The following ASB13 variants were observed in gnomAD, a reference collection of about 807,000 sequenced individuals.
ASB13 encodes ankyrin repeat and SOCS box containing 13.
In ASB13, 33 loss-of-function variants were observed where a neutral mutation model predicts 28.8. The observed-to-expected ratio is 1.15, with a 90% CI of 0.87 to 1.53. The LOEUF (loss-of-function observed/expected upper bound fraction) is 1.53, where lower values mean the gene tolerates loss of function less well. Ranked by LOEUF, ASB13 falls within the 40% of genes most tolerant of loss-of-function variation. The pLI, the probability that ASB13 is intolerant of heterozygous loss-of-function variation, is 0.00. For missense variants in ASB13, 414 were observed against 390.1 expected, an observed-to-expected ratio of 1.06 and a Z score of -0.52; for synonymous variants, 182 against 172.9, an observed-to-expected ratio of 1.05 and a Z score of -0.41.
Position 5,639,254 on chromosome 10 carries a change from C to A in ASB13, c.*1449G>T, listed in dbSNP as rs1421900576. 1 of 152,692 alleles carries A rather than the reference C, an allele frequency of 6.5e-6. No individual in the cohort carries two copies. Among genetic ancestry groups the A allele is most frequent in the Admixed American group, 6.5e-5 (1 of 15,276 alleles). 9.5% of individuals were successfully genotyped at this position (152,692 alleles called of 1,614,324 possible). ...ACAGCACAAAGGGCATCGCCTTGGG[C>A]AGCTCAGGCTCACTCTGTTCCACAC... is the stretch of plus-strand genomic sequence containing the variant. On this transcript the variant is annotated 3_prime_UTR_variant, in exon 6 of 6. Coordinates refer to ENST00000357700, the MANE Select transcript of ASB13 (RefSeq NM_024701.4).
rs1835264129 is a variant in ASB13, at chr10:5,666,531, G to C, written c.21C>G (p.Asp7Glu). The change falls in exon 1 of 6, where the codon GAC becomes GAG. Residue 7 changes from aspartate to glutamate, a missense_variant. Physicochemically the swap from Asp to Glu is conservative, Grantham distance 45 (BLOSUM62 2). Transcript: ENST00000357700. ...TACCCACGTCGCCCAGGAAGCAGCC[G>C]TCCGCCGCCCGGGGCTCCATGCGGC... MEPRAA[D>E]GCFLGDVGFW... is the part of the protein sequence containing the mutation. 8.7e-6 allele frequency: 11 copies of C among 1,262,090 alleles called. No individual in the cohort carries two copies. Among genetic ancestry groups the C allele is most frequent in the Admixed American group, 3.4e-5 (1 of 29,222 alleles). 78.2% of individuals were successfully genotyped at this position (1,262,090 alleles called of 1,614,324 possible).
rs1039712682 is a variant in ASB13, at chr10:5,656,343, G to T, written c.44-3293C>A. Among the ~76,000 whole-genome samples the T allele has an allele frequency of 3.3e-5, 5 of 152,188 alleles. No individual in the cohort carries two copies. Among genetic ancestry groups the T allele is most frequent in the East Asian group, 1.9e-4 (1 of 5,198 alleles). ...TCACGAGGTCAGGAGTTTGAGACCA[G>T]CCTGGCCAACATGGTGAAACCCCAT... On this transcript the variant is annotated intron_variant, in intron 1 of 5. Transcript: ENST00000357700. The surrounding 1 kb of genome is among the most constrained non-coding windows in gnomAD (Gnocchi z 4.3).
rs1160200755 is a variant in ASB13, at chr10:5,642,116, T to C, written c.518-155A>G. Among the ~76,000 whole-genome samples the C allele has an allele frequency of 6.6e-6, 1 of 152,106 alleles. No homozygotes were observed. The highest frequency in any genetic ancestry group is 1.5e-5 in the Non-Finnish European group (1 of 68,030). ...ACTCTACCGTAGCTTTCAAAAATGT[T>C]TTTCAACATCCAAAAGCAGGAACTA... On this transcript the variant is annotated intron_variant, in intron 4 of 5. Transcript: ENST00000357700. The surrounding 1 kb of genome is among the most constrained non-coding windows in gnomAD (Gnocchi z 4.1).
In ASB13 at chr10:5,664,264, G is replaced by A. The variant is rs1835220349; in HGVS notation, c.43+2245C>T. Among the ~76,000 whole-genome samples, 1 of 146,702 alleles carries A rather than the reference G, an allele frequency of 6.8e-6. No individual in the cohort carries two copies. The stretch of plus-strand genomic sequence containing the variant: ...CGGCTTCCCAGAGCAGCAGCAGGCA[G>A]AGCTGGAAGACCCAAGGCTGCAGGG... On this transcript the variant is annotated intron_variant, in intron 1 of 5. Coordinates refer to ENST00000357700, the MANE Select transcript of ASB13 (RefSeq NM_024701.4). This position sits in a 1 kb window ranked among gnomAD's most constrained non-coding sequence, Gnocchi z 4.2.
chr10:5,657,417 TAAA>T (rs148936432), intron 1 of ASB13, among the ~76,000 whole-genome samples: 1 of 143,316 alleles, frequency 7.0e-6, no homozygotes, highest in Non-Finnish European at 1.5e-5. Context: ...GCCACAAACA[TAAA>T]AAAAAAAGGT....
Position 5,660,323 on chromosome 10 carries a change from T to C in ASB13, c.43+6186A>G, listed in dbSNP as rs74113502. Among the ~76,000 whole-genome samples, 1,577 of 152,292 alleles carry C rather than the reference T, an allele frequency of 0.01. 26 individuals are homozygous for C. Among genetic ancestry groups the C allele is most frequent in the African/African-American group, 0.036 (1,503 of 41,554 alleles). On this transcript the variant is annotated intron_variant, in intron 1 of 5. Transcript: ENST00000357700. The surrounding 1 kb of genome is among the most constrained non-coding windows in gnomAD (Gnocchi z 6.1). The stretch of plus-strand genomic sequence containing the variant: ...TAGGACCGTGTGCCAGGTGTGGACC[T>C]TTCTGGACCCCAGCTCCTCTTCCCC...
rs895224567 is a variant in ASB13, at chr10:5,658,712, G to A, written c.44-5662C>T. Among the ~76,000 whole-genome samples, 2 of 152,104 alleles carry A rather than the reference G, an allele frequency of 1.3e-5. No individual in the cohort carries two copies. Among genetic ancestry groups the A allele is most frequent in the Non-Finnish European group, 2.9e-5 (2 of 68,026 alleles). On this transcript the variant is annotated intron_variant, in intron 1 of 5. Coordinates refer to ENST00000357700, the MANE Select transcript of ASB13 (RefSeq NM_024701.4). This position sits in a 1 kb window ranked among gnomAD's most constrained non-coding sequence, Gnocchi z 4.2. ...TAAGGTGGTAACTTTTGTGTTCTGTGCTCTCTACTACAATTAAAAATAGAA... is the reference window on the plus strand; with the variant it reads ...TAAGGTGGTAACTTTTGTGTTCTGTACTCTCTACTACAATTAAAAATAGAA...
In ASB13 at chr10:5,663,455, G is replaced by T. The variant is rs1431064227; in HGVS notation, c.43+3054C>A. Among the ~76,000 whole-genome samples, 2 of 152,070 alleles carry T rather than the reference G, an allele frequency of 1.3e-5. No individual in the cohort carries two copies. Among genetic ancestry groups the T allele is most frequent in the Non-Finnish European group, 2.9e-5 (2 of 68,012 alleles). The stretch of plus-strand genomic sequence containing the variant: ...CCCTTGCCCCTGGTCCACCCCAAAG[G>T]CTATGGCCCAGGGAGCATGGGGAGG... On this transcript the variant is annotated intron_variant, in intron 1 of 5. Coordinates refer to ENST00000357700, the MANE Select transcript of ASB13 (RefSeq NM_024701.4). This position sits in a 1 kb window ranked among gnomAD's most constrained non-coding sequence, Gnocchi z 4.9.
rs1181228934 is a variant in ASB13 at position 5,663,289 on chromosome 10, G to A, written c.43+3220C>T. On this transcript the variant is annotated intron_variant, in intron 1 of 5. Transcript: ENST00000357700. The surrounding 1 kb of genome is among the most constrained non-coding windows in gnomAD (Gnocchi z 4.9). The stretch of plus-strand genomic sequence containing the variant: ...GGAACTGGGAGAAAGGACCGAAGGT[G>A]TCAGGAGAGCTTGGTGAATAACAGG... Among the ~76,000 whole-genome samples, 3 of 152,224 alleles carry A rather than the reference G, an allele frequency of 2.0e-5. No individual in the cohort carries two copies. The highest frequency in any genetic ancestry group is 4.4e-5 in the Non-Finnish European group (3 of 68,030).
chr10:5,655,985 G>A lies in ASB13; in HGVS notation c.44-2935C>T, dbSNP rs1293835856. On this transcript the variant is annotated intron_variant, in intron 1 of 5. Transcript: ENST00000357700. The surrounding 1 kb of genome is among the most constrained non-coding windows in gnomAD (Gnocchi z 6.2). ...ATAGGCAGCTCACAGTCAGGGACCA[G>A]GGAATAAATGCGCAGATAATTCACA... 6.6e-6 allele frequency among the ~76,000 whole-genome samples: 1 copy of A among 152,196 alleles called. No homozygotes were observed. The highest frequency in any genetic ancestry group is 1.5e-5 in the Non-Finnish European group (1 of 68,034).
chr10:5,641,850 GCGTAGATGTTGCCGCCAAACTCGAT>G lies in ASB13; in HGVS notation c.604_628del (p.Ile202ProfsTer31). 6.2e-7 allele frequency: 1 copy of G among 1,614,022 alleles called. No homozygotes were observed. Among genetic ancestry groups the G allele is most frequent in the Non-Finnish European group, 8.5e-7 (1 of 1,179,986 alleles). ...CGGCTTCTTCCCGCGGTTGTCCCGG[GCGTAGATGTTGCCGCCAAACTCGAT>G]AAGCATCTCGATGAGGTCAACATTC... On this transcript the variant is annotated frameshift_variant, in exon 5 of 6. Transcript: ENST00000357700. LOFTEE classifies it high-confidence loss of function. This position sits in a 1 kb window ranked among gnomAD's most constrained non-coding sequence, Gnocchi z 8.4.
rs1418364928 is a variant in ASB13, at chr10:5,641,075, G to C, written c.710-245C>G. On this transcript the variant is annotated intron_variant, in intron 5 of 5. Coordinates refer to ENST00000357700, the MANE Select transcript of ASB13 (RefSeq NM_024701.4). This position sits in a 1 kb window ranked among gnomAD's most constrained non-coding sequence, Gnocchi z 8.4. ...GCTTTGGGAGTTTGTTTGGTTTTGAGGTTTTTTGTTTTTTGTTTTTTGAGA... is the reference window on the plus strand; with the variant it reads ...GCTTTGGGAGTTTGTTTGGTTTTGACGTTTTTTGTTTTTTGTTTTTTGAGA... Among the ~76,000 whole-genome samples, 1 of 151,988 alleles carries C rather than the reference G, an allele frequency of 6.6e-6. No individual in the cohort carries two copies. Among genetic ancestry groups the C allele is most frequent in the Non-Finnish European group, 1.5e-5 (1 of 67,988 alleles).
intron 1 of ASB13, among the ~76,000 whole-genome samples, chr10:5,666,267 G>A (rs74594619): frequency 0.025 from 3,867 of 152,192 alleles, 103 homozygotes; most frequent in African/African-American, 0.063. Context: ...CTGGCGAGCC[G>A]CACGGACTGC....
rs1030034404 is a variant in ASB13, at chr10:5,658,022, T to A, written c.44-4972A>T. On this transcript the variant is annotated intron_variant, in intron 1 of 5. Transcript: ENST00000357700. This position sits in a 1 kb window ranked among gnomAD's most constrained non-coding sequence, Gnocchi z 4.2. ...AATTAGCCAGGCATGGTGGCTGTAA[T>A]CCATGGTGCTTCAGTAGTGCCAGCT... is the stretch of plus-strand genomic sequence containing the variant. Among the ~76,000 whole-genome samples, 14 of 151,950 alleles carry A rather than the reference T, an allele frequency of 9.2e-5. No homozygotes were observed. Among genetic ancestry groups the A allele is most frequent in the Admixed American group, 4.6e-4 (7 of 15,262 alleles).
intron 4 of ASB13, among the ~76,000 whole-genome samples, chr10:5,646,057 C>T (rs951618845): frequency 3.9e-5 from 6 of 152,148 alleles, no homozygotes; most frequent in Admixed American, 3.9e-4. Context: ...CCCACAGCAT[C>T]GAGCCAACAC....
chr10:5,652,977 G>C lies in ASB13; in HGVS notation c.117C>G (p.Ile39Met), dbSNP rs1255123927. ...RGESLQLQQLIESGACVNQVT... is the reference protein window; with the variant it reads ...RGESLQLQQLMESGACVNQVT... The stretch of plus-strand genomic sequence containing the variant: ...CCTGGTTCACGCAGGCGCCGCTCTC[G>C]ATCAGCTGTTGCAGCTGCAGGCTCT... The change falls in exon 2 of 6, where the codon ATC (isoleucine) becomes ATG (methionine). Residue 39 changes from isoleucine to methionine, a missense_variant. Ile to Met is a conservative substitution (Grantham distance 10). Coordinates refer to ENST00000357700, the MANE Select transcript of ASB13 (RefSeq NM_024701.4). This position sits in a 1 kb window ranked among gnomAD's most constrained non-coding sequence, Gnocchi z 5.0. 1 of 1,559,752 alleles carries C rather than the reference G, an allele frequency of 6.4e-7. No homozygotes were observed. Among genetic ancestry groups the C allele is most frequent in the Admixed American group, 1.9e-5 (1 of 51,696 alleles).
intron 4 of ASB13, among the ~76,000 whole-genome samples, chr10:5,646,024 G>A (rs541029998): frequency 2.6e-5 from 4 of 152,316 alleles, no homozygotes; most frequent in South Asian, 4.1e-4. Flanking sequence ...GGAATCCCGC[G>A]TGGAGCTGAT....
exon 1 of ASB13, chr10:5,666,593 CCTGGGCCGGGCCGCGCGGGGCCG>C (rs1242262867): frequency 3.2e-5 from 35 of 1,099,318 alleles, 2 homozygotes; most frequent in Non-Finnish European, 2.2e-6. Flanking sequence ...GGCGCCGGGA[CCTGGGCCGGGCCGCGCGGGGCCG>C]CTGGGCGGGG....
In ASB13 at chr10:5,651,485, TA is replaced by T; in HGVS notation, c.232-123del. ...TAGAAGCACCGGTTTGCTTTGCTAT[TA>T]TGTGCTAGGCAACGACACTGAAAGA... On this transcript the variant is annotated intron_variant, in intron 2 of 5. Coordinates refer to ENST00000357700, the MANE Select transcript of ASB13 (RefSeq NM_024701.4). This position sits in a 1 kb window ranked among gnomAD's most constrained non-coding sequence, Gnocchi z 5.1. The T allele has an allele frequency of 8.5e-7, 1 of 1,170,810 alleles. No homozygotes were observed. The highest frequency in any genetic ancestry group is 1.2e-6 in the Non-Finnish European group (1 of 847,892). 72.5% of individuals were successfully genotyped at this position (1,170,810 alleles called of 1,614,324 possible). A position where few individuals can be genotyped will look rare whatever the true frequency, so the allele number is the denominator to read the frequency against.
Sources: gnomAD v4.1 joint callset for allele counts (sites outside exome capture counted in the v4.1 genomes callset) on GRCh38, gnomAD v4.1.1 for gene constraint, Gnocchi (gnomAD v3.1) non-coding constraint, MANE v1.5 for transcripts, NCBI Gene and HGNC (gene_info 2026-07-23, HGNC 2026-07-21) for gene names.